LRRTM4: variants seen among roughly 807,000 people sequenced by gnomAD.
LRRTM4 encodes leucine-rich repeat transmembrane neuronal protein 4.
Under a neutral mutation model 47.6 loss-of-function variants are expected in LRRTM4, and 25 were observed. That is an observed-to-expected ratio of 0.53 (90% CI 0.38 to 0.73). The LOEUF (loss-of-function observed/expected upper bound fraction) is 0.73, where lower values mean the gene tolerates loss of function less well. Ranked by LOEUF, LRRTM4 falls within the 30% of genes least tolerant of loss-of-function variation. The pLI is 0.00. For synonymous variants in LRRTM4, 311 were observed against 269.5 expected, an observed-to-expected ratio of 1.15 and a Z score of -1.51; for missense variants, 638 against 713.4, an observed-to-expected ratio of 0.89 and a Z score of 1.20.
At position 76,843,908 on chromosome 2, in the gene LRRTM4, CAT is replaced by C. The variant is rs1491297396; in HGVS notation, c.1552-94994_1552-94993del. Among the ~76,000 whole-genome samples, 8 of 145,392 alleles carry C rather than the reference CAT, an allele frequency of 5.5e-5. No individual in the cohort carries two copies. In the East Asian group the frequency reaches 1.5e-3, roughly 27 times the overall value. The stretch of plus-strand genomic sequence containing the variant: ...ATTAATGATAATTTCTTTCTTTTTT[CAT>C]TTTTTTTTTTTTTTTGAGATGGAGT... On this transcript the variant is annotated intron_variant, in intron 3 of 3. Coordinates refer to ENST00000409884, the MANE Select transcript of LRRTM4 (RefSeq NM_001134745.3).
chr2:77,180,516 T>G (rs1673318235), intron 3 of LRRTM4, among the ~76,000 whole-genome samples: 1 of 152,160 alleles, frequency 6.6e-6, no homozygotes, highest in South Asian at 2.1e-4. Flanking sequence ...AACAATAAAA[T>G]GGAGATTTAG....
At chr2:77,234,820 T>A (rs957529553) in intron 3 of LRRTM4, among the ~76,000 whole-genome samples, 4 of 152,154 alleles carry the variant, frequency 2.6e-5, no homozygotes, top group African/African-American at 7.2e-5. Flanking sequence ...TATTGTGTGA[T>A]TCTGAGGTTT....
intron 3 of LRRTM4, among the ~76,000 whole-genome samples, chr2:76,962,732 A>G (rs1359041666): frequency 7.3e-5 from 11 of 150,854 alleles, no homozygotes; most frequent in East Asian, 3.9e-4. Flanking sequence ...TAGACAGAAC[A>G]TCTTAGGAAT....
chr2:76,849,207 A>G (rs949039253), intron 3 of LRRTM4, among the ~76,000 whole-genome samples: 1 of 152,090 alleles, frequency 6.6e-6, no homozygotes, highest in African/African-American at 2.4e-5. Flanking sequence ...AGAAGAGAAA[A>G]GAAAAGTAGG....
Position 77,077,356 on chromosome 2 carries a change from C to T in LRRTM4, c.1552-328440G>A, listed in dbSNP as rs573862726. ...TCCTATAGTAAGACTAGCTTATTCC[C>T]AGTCTAGGAACATGGTAAGTTTTAT... is the stretch of plus-strand genomic sequence containing the variant. On this transcript the variant is annotated intron_variant, in intron 3 of 3. Transcript: ENST00000409884. Among the ~76,000 whole-genome samples, 53 of 152,166 alleles carry T rather than the reference C, an allele frequency of 3.5e-4. 1 individual carries two copies. In the South Asian group the frequency reaches 0.011, roughly 31 times the overall value.
At chr2:77,341,939 T>C (rs1366387858) in intron 3 of LRRTM4, among the ~76,000 whole-genome samples, 3 of 151,948 alleles carry the variant, frequency 2.0e-5, no homozygotes, top group Admixed American at 1.3e-4. Context: ...TACAAAGGCA[T>C]TGGGATCAAG....
At chr2:77,006,924 T>C (rs1244375936) in intron 3 of LRRTM4, among the ~76,000 whole-genome samples, 1 of 152,046 alleles carries the variant, frequency 6.6e-6, no homozygotes, top group Admixed American at 6.6e-5. Flanking sequence ...CTCTAGCCAA[T>C]CACATTGACA....
intron 3 of LRRTM4, among the ~76,000 whole-genome samples, chr2:77,156,361 A>T (rs2103796572): frequency 6.6e-6 from 1 of 151,996 alleles, no homozygotes; most frequent in South Asian, 2.1e-4. Context: ...TTTGAAAAAC[A>T]GAATTTCTAG....
intron 3 of LRRTM4, among the ~76,000 whole-genome samples, chr2:77,163,721 T>G (rs1573026020): frequency 2.0e-5 from 3 of 152,232 alleles, no homozygotes; most frequent in South Asian, 2.1e-4. Flanking sequence ...GCTTCATAAG[T>G]GAAGGATAAA....
At chr2:77,512,192 T>C (rs923504357) in intron 3 of LRRTM4, among the ~76,000 whole-genome samples, 2 of 152,172 alleles carry the variant, frequency 1.3e-5, no homozygotes, top group African/African-American at 4.8e-5. Flanking sequence ...GTGATAGCAT[T>C]ATTTTTAAAC....
intron 3 of LRRTM4, among the ~76,000 whole-genome samples, chr2:77,406,986 A>C (rs1452058084): frequency 6.6e-6 from 1 of 152,136 alleles, no homozygotes; most frequent in African/African-American, 2.4e-5. Context: ...ATATGCTACA[A>C]AGTTAACTAC....
chr2:77,169,108 C>T (rs12617573), intron 3 of LRRTM4, among the ~76,000 whole-genome samples: 72,238 of 151,794 alleles, frequency 0.48, 18,685 homozygotes, highest in Admixed American at 0.59. Context: ...ATGACAAATC[C>T]GCAGCTAAAA....
chr2:76,984,820 C>T (rs1011846490), intron 3 of LRRTM4, among the ~76,000 whole-genome samples: 2 of 152,002 alleles, frequency 1.3e-5, no homozygotes, highest in African/African-American at 4.8e-5. Context: ...GCATTCCTAA[C>T]TATATTGCTG....
intron 3 of LRRTM4, among the ~76,000 whole-genome samples, chr2:77,008,125 G>A (rs1399291015): frequency 1.3e-5 from 2 of 152,098 alleles, no homozygotes; most frequent in African/African-American, 2.4e-5. Context: ...CAATGAAAGA[G>A]ACAATGAAAA....
intron 3 of LRRTM4, among the ~76,000 whole-genome samples, chr2:77,011,531 T>TTGTG (rs56982328): frequency 0.035 from 5,075 of 143,956 alleles, 105 homozygotes; most frequent in African/African-American, 0.048. Context: ...GAAGAAGCAT[T>TTGTG]TGTGTGTGTG....
rs528206949 is a variant in LRRTM4, at chr2:77,081,374, A to G, written c.1552-332458T>C. On this transcript the variant is annotated intron_variant, in intron 3 of 3. Coordinates refer to ENST00000409884, the MANE Select transcript of LRRTM4 (RefSeq NM_001134745.3). ...ATTTCTATTATAAAATGTACATTTA[A>G]AAGTAAATTAAATGTAAAAGGTGTT... 5.9e-5 allele frequency among the ~76,000 whole-genome samples: 9 copies of G among 152,228 alleles called. No individual in the cohort carries two copies. The South Asian group carries it at 1.7e-3, about 28-fold the overall frequency.
chr2:77,234,482 T>G (rs140810214), intron 3 of LRRTM4, among the ~76,000 whole-genome samples: 4 of 152,322 alleles, frequency 2.6e-5, no homozygotes, highest in African/African-American at 9.6e-5. Context: ...TTAGTTTCAC[T>G]GTAAAAGGTA....
chr2:76,796,250 G>A (rs1205569810), intron 3 of LRRTM4, among the ~76,000 whole-genome samples: 3 of 74,108 alleles, frequency 4.0e-5, no homozygotes, highest in African/African-American at 2.6e-4. Context: ...AGGGGTGCCC[G>A]CCATTGAACA....
chr2:77,333,617 C>G (rs1671049313), intron 3 of LRRTM4, among the ~76,000 whole-genome samples: 1 of 152,120 alleles, frequency 6.6e-6, no homozygotes, highest in African/African-American at 2.4e-5. Context: ...GAATCTCAGC[C>G]TAGATTTCAG....
Sources: gnomAD v4.1 joint callset for allele counts (sites outside exome capture counted in the v4.1 genomes callset) on GRCh38, gnomAD v4.1.1 for gene constraint, MANE v1.5 for transcripts, NCBI Gene and HGNC (gene_info 2026-07-23, HGNC 2026-07-21) for gene names.